TSHR: variants seen among roughly 807,000 people sequenced by gnomAD.
The protein encoded by TSHR is thyrotropin receptor.
Under a neutral mutation model 64.1 loss-of-function variants are expected in TSHR, and 51 were observed. That is an observed-to-expected ratio of 0.80 (90% confidence interval 0.64 to 1.01). The LOEUF (loss-of-function observed/expected upper bound fraction) is 1.01, where lower values mean the gene tolerates loss of function less well. Among genes scored for constraint, TSHR ranks in the 50% least tolerant of loss-of-function variants. TSHR has a pLI of 0.00. For synonymous variants in TSHR, 361 were observed against 361.9 expected (o/e 1.00, Z 0.03); for missense variants, 877 against 942.8 (o/e 0.93, Z 0.91).
chr14:81,044,353 A>G (rs1173227934), intron 1 of TSHR, among the ~76,000 whole-genome samples: 2 of 152,178 alleles, frequency 1.3e-5, no homozygotes, highest in Non-Finnish European at 2.9e-5. Flanking sequence ...GATCATTAGA[A>G]AAACCCAAAT....
intron 8 of TSHR, among the ~76,000 whole-genome samples, chr14:81,122,601 GT>G (rs1209303577): frequency 2.6e-5 from 4 of 152,120 alleles, no homozygotes; most frequent in Non-Finnish European, 5.9e-5. Context: ...ATGTGTAGGG[GT>G]GAGGGATGAT....
At position 81,145,838 on chromosome 14, in the gene TSHR, C is replaced by G. The variant is rs970160561; in HGVS notation, c.*1485C>G. 3.4e-5 allele frequency: 8 copies of G among 232,624 alleles called. No homozygotes were observed. Among genetic ancestry groups the G allele is most frequent in the Non-Finnish European group, 6.8e-5 (8 of 117,764 alleles). The allele number at this position is 232,624 out of a possible 1,614,324, so 14.4% of individuals were successfully genotyped here. A position where few individuals can be genotyped will look rare whatever the true frequency, so the allele number is the denominator to read the frequency against. On this transcript the variant is annotated 3_prime_UTR_variant, in exon 10 of 10. Transcript: ENST00000298171. ...ACCTGTGATGATAGCCCCCTAATGT[C>G]CTGCTAGAAAAGTCTCCAAGCAGAG... is the stretch of plus-strand genomic sequence containing the variant.
intron 3 of TSHR, among the ~76,000 whole-genome samples, chr14:81,087,142 A>C (rs79299260): frequency 0.03 from 4,600 of 152,310 alleles, 225 homozygotes; most frequent in African/African-American, 0.1. Context: ...GGTACCACCA[A>C]TGACTAGATG....
intron 1 of TSHR, among the ~76,000 whole-genome samples, chr14:81,020,331 C>T (rs1027310700): frequency 6.6e-6 from 1 of 152,138 alleles, no homozygotes; most frequent in Non-Finnish European, 1.5e-5. Flanking sequence ...TGTTAGAAAC[C>T]AGGCCACATA....
At chr14:81,128,036 C>T (rs3783938) in intron 8 of TSHR, among the ~76,000 whole-genome samples, 19,653 of 152,064 alleles carry the variant, frequency 0.13, 1,733 homozygotes, top group South Asian at 0.27. Context: ...CAATAGTAAA[C>T]GCTGAAAGAT....
Position 81,144,330 on chromosome 14 carries a change from G to C in TSHR, c.2272G>C (p.Glu758Gln), listed in dbSNP as rs746522401. ...TPKKQGQISE[E>Q]YMQTVL The stretch of plus-strand genomic sequence containing the variant: ...AAAGAAGCAAGGCCAAATCTCAGAA[G>C]AGTATATGCAAACGGTTTTGTAAGT... Residue 758 changes from glutamate to glutamine, a missense_variant, in exon 10 of 10, where the codon GAG becomes CAG. Transcript: ENST00000298171. 1 of 1,614,162 alleles carries C rather than the reference G, an allele frequency of 6.2e-7. No homozygotes were observed.
chr14:80,973,580 C>T (rs1480840316), intron 1 of TSHR, among the ~76,000 whole-genome samples: 1 of 152,022 alleles, frequency 6.6e-6, no homozygotes, highest in Admixed American at 6.6e-5. Flanking sequence ...TCATGGCAAT[C>T]TTAGGCAACA....
At chr14:81,021,926 G>A (rs1317125889) in intron 1 of TSHR, among the ~76,000 whole-genome samples, 1 of 152,094 alleles carries the variant, frequency 6.6e-6, no homozygotes, top group Non-Finnish European at 1.5e-5. Flanking sequence ...TCAATAGTTG[G>A]CACATGGCAT....
At chr14:81,037,762 T>C (rs1884719766) in intron 1 of TSHR, among the ~76,000 whole-genome samples, 3 of 151,962 alleles carry the variant, frequency 2.0e-5, no homozygotes, top group African/African-American at 4.8e-5. Context: ...ACTAAAGGGG[T>C]CAATTAGCAA....
chr14:81,105,313 T>A, intron 7 of TSHR: 1 of 866,044 alleles, frequency 1.2e-6, no homozygotes, highest in Non-Finnish European at 1.4e-6. Context: ...GTATATGTAT[T>A]TCCCCTCCCC....
intron 1 of TSHR, among the ~76,000 whole-genome samples, chr14:80,984,384 T>A (rs1448350713): frequency 6.6e-6 from 1 of 152,236 alleles, no homozygotes; most frequent in Admixed American, 6.5e-5. Context: ...AGACACTAAG[T>A]TGGCACCATA....
At chr14:80,994,248 A>G (rs549698840) in intron 1 of TSHR, 1 of 152,082 alleles carries the variant, frequency 6.6e-6, no homozygotes, top group East Asian at 1.9e-4. Flanking sequence ...CTGACTGTTT[A>G]TGTTATCAGT....
chr14:80,993,256 A>G (rs1888838727), intron 1 of TSHR: 1 of 152,062 alleles, frequency 6.6e-6, no homozygotes, highest in African/African-American at 2.4e-5. Context: ...AATGGAATGG[A>G]CTCCTCTGGA....
chr14:81,057,310 C>G (rs1885887968), intron 1 of TSHR, among the ~76,000 whole-genome samples: 1 of 152,080 alleles, frequency 6.6e-6, no homozygotes, highest in Non-Finnish European at 1.5e-5. Context: ...ACTCAGGAGG[C>G]TGAGGCAGGA....
chr14:81,014,121 G>C (rs1890060037), intron 1 of TSHR: 1 of 152,204 alleles, frequency 6.6e-6, no homozygotes, highest in Admixed American at 6.5e-5. Context: ...TTGGAGATCT[G>C]TTCTGTATCA....
intron 3 of TSHR, among the ~76,000 whole-genome samples, chr14:81,071,017 T>C (rs1887030390): frequency 6.6e-6 from 1 of 152,144 alleles, no homozygotes; most frequent in African/African-American, 2.4e-5. Context: ...CAAAATGAAA[T>C]AATGTCTTAG....
rs1003837319 is a variant in TSHR at position 81,131,017 on chromosome 14, A to C, written c.693-8662A>C. On this transcript the variant is annotated intron_variant, in intron 8 of 9. Transcript: ENST00000298171. ...CGTCTCCAAAAAAAAAAAAAAAAAA[A>C]AACACTGCTTGACTGCCGTCACCAT... Among the ~76,000 whole-genome samples the C allele has an allele frequency of 3.3e-5, 5 of 151,620 alleles. 1 individual carries two copies. The highest frequency in any genetic ancestry group is 7.4e-5 in the Non-Finnish European group (5 of 67,906).
intron 8 of TSHR, among the ~76,000 whole-genome samples, chr14:81,127,634 G>T (rs1426917213): frequency 6.6e-6 from 1 of 152,160 alleles, no homozygotes; most frequent in Non-Finnish European, 1.5e-5. Context: ...CATGGAGGTG[G>T]TTCTTCTATA....
chr14:81,121,580 A>G (rs28373271), intron 8 of TSHR, among the ~76,000 whole-genome samples: 46,521 of 151,968 alleles, frequency 0.31, 8,023 homozygotes, highest in East Asian at 0.53. Flanking sequence ...GGTCTGAGGA[A>G]TCTTGGGAAC....
Sources: gnomAD v4.1 joint callset for allele counts (sites outside exome capture counted in the v4.1 genomes callset) on GRCh38, gnomAD v4.1.1 for gene constraint, MANE v1.5 for transcripts, NCBI Gene and HGNC (gene_info 2026-07-23, HGNC 2026-07-21) for gene names.